PC: variants seen among roughly 807,000 people sequenced by gnomAD.
PC encodes pyruvate carboxylase, mitochondrial.
Under a neutral mutation model 107.8 loss-of-function variants are expected in PC, and 46 were observed. That is an observed-to-expected ratio of 0.43 (90% CI 0.34 to 0.55). The LOEUF (loss-of-function observed/expected upper bound fraction) is 0.55, where lower values mean the gene tolerates loss of function less well. Ranked by LOEUF, PC falls within the 20% of genes least tolerant of loss-of-function variation. PC has a pLI of 0.04. For synonymous variants in PC, 662 were observed against 684.7 expected (o/e 0.97, Z 0.52); for missense variants, 1,241 against 1,643.1 (o/e 0.76, Z 4.23).
intron 12 of PC, chr11:66,856,634 G>C (rs1945852767): frequency 6.6e-6 from 1 of 152,662 alleles, no homozygotes; most frequent in Non-Finnish European, 1.5e-5. Flanking sequence ...GCTCGGCCCT[G>C]CCCGTGGGTG....
At chr11:66,919,754 C>T (rs1948549521) in intron 3 of PC, 1 of 152,142 alleles carries the variant, frequency 6.6e-6, no homozygotes, top group South Asian at 2.1e-4. Context: ...GAACTGAAAC[C>T]TAGGCGTTAG....
chr11:66,935,059 G>C (rs546141348), intron 3 of PC, among the ~76,000 whole-genome samples: 2 of 152,312 alleles, frequency 1.3e-5, no homozygotes, highest in African/African-American at 4.8e-5. Flanking sequence ...AAACAACTCA[G>C]GGCAAGGCCA....
chr11:66,859,712 G>A (rs1015301394), intron 12 of PC: 12 of 1,612,168 alleles, frequency 7.4e-6, no homozygotes, highest in African/African-American at 4.0e-5. Flanking sequence ...TCTGCCTGCT[G>A]GCCTTGTCAC....
chr11:66,920,866 C>T (rs111233976), intron 3 of PC, among the ~76,000 whole-genome samples: 21,068 of 151,864 alleles, frequency 0.14, 1,643 homozygotes, highest in East Asian at 0.23. Flanking sequence ...GGTGAAACCC[C>T]GTCTCTATTA....
intron 3 of PC, among the ~76,000 whole-genome samples, chr11:66,924,193 C>T (rs1948659400): frequency 7.0e-6 from 1 of 142,010 alleles, no homozygotes; most frequent in African/African-American, 2.6e-5. Context: ...CAGAGCAAGA[C>T]TCTATCTCAG....
At chr11:66,867,237 T>C (rs1383737256) in intron 10 of PC, among the ~76,000 whole-genome samples, 3 of 152,030 alleles carry the variant, frequency 2.0e-5, no homozygotes, top group Non-Finnish European at 4.4e-5. Flanking sequence ...AATACAAAAA[T>C]TAGCCAGGCC....
At chr11:66,878,738 C>T (rs1272809279) in intron 3 of PC, among the ~76,000 whole-genome samples, 8 of 152,302 alleles carry the variant, frequency 5.3e-5, no homozygotes, top group South Asian at 2.1e-4. Flanking sequence ...GGACTGTCCC[C>T]GGGGCACGGG....
chr11:66,854,366 G>A (rs1945681963), intron 12 of PC, among the ~76,000 whole-genome samples: 2 of 152,186 alleles, frequency 1.3e-5, no homozygotes, highest in South Asian at 4.1e-4. Flanking sequence ...GCAGTCCCCT[G>A]AGGAACCCGC....
chr11:66,928,422 A>C (rs1361456797), intron 3 of PC, among the ~76,000 whole-genome samples: 2 of 151,334 alleles, frequency 1.3e-5, no homozygotes, highest in African/African-American at 4.9e-5. Flanking sequence ...GGCCAGCCTG[A>C]AATTAGCACC....
chr11:66,849,518 A>G, intron 21 of PC, 93 bp downstream of exon 21: 1 of 1,610,262 alleles, frequency 6.2e-7, no homozygotes. Context: ...TCTGCTCCCA[A>G]AGCTTGCGAG....
intron 3 of PC, among the ~76,000 whole-genome samples, chr11:66,883,528 G>T (rs1752308602): frequency 6.6e-6 from 1 of 152,140 alleles, no homozygotes; most frequent in Admixed American, 6.5e-5. Context: ...CCATCGTCCT[G>T]CTCAGGGGGC....
intron 3 of PC, among the ~76,000 whole-genome samples, chr11:66,923,623 C>T (rs918931514): frequency 6.6e-6 from 1 of 151,836 alleles, no homozygotes; most frequent in Non-Finnish European, 1.5e-5. Context: ...AAGTGATTCT[C>T]CCGCTTCAGT....
chr11:66,850,598 C>A, intron 18 of PC, 76 bp downstream of exon 18: 2 of 1,600,918 alleles, frequency 1.2e-6, no homozygotes, highest in East Asian at 2.2e-5. Context: ...GGATCCTAGG[C>A]AGGTCCAACA....
At position 66,849,696 on chromosome 11, in the gene PC, T is replaced by G. The variant is rs1229618304; in HGVS notation, c.3062A>C (p.Lys1021Thr). The G allele has an allele frequency of 6.2e-7, 1 of 1,614,218 alleles. No individual in the cohort carries two copies. The highest frequency in any genetic ancestry group is 8.5e-7 in the Non-Finnish European group (1 of 1,180,030). ...AMYPDVFAHF[K>T]DFTATFGPLD... ...GGGGCCAAAGGTGGCAGTGAAGTCCTTGAAGTGGGCAAACACATCGGGGTA... is the reference window on the plus strand; with the variant it reads ...GGGGCCAAAGGTGGCAGTGAAGTCCGTGAAGTGGGCAAACACATCGGGGTA... The change falls in exon 21 of 23, where the codon AAG becomes ACG. Residue 1021 changes from lysine to threonine, a missense_variant. Lys to Thr is a moderately conservative substitution (Grantham distance 78). Transcript: ENST00000393960.
At chr11:66,898,177 C>T (rs1451066272) in intron 3 of PC, among the ~76,000 whole-genome samples, 1 of 152,166 alleles carries the variant, frequency 6.6e-6, no homozygotes, top group Non-Finnish European at 1.5e-5. Context: ...GTTCTGAGAT[C>T]CTGAAAAAGC....
In PC at chr11:66,940,761, T is replaced by C. The variant is rs140459980; in HGVS notation, c.-1+11669A>G. ...TGAACAGACATTTCCCCAAAGAAGA[T>C]AGAAGATATACAAATGGCCAATAAG... is the stretch of plus-strand genomic sequence containing the variant. On this transcript the variant is annotated intron_variant, in intron 3 of 22. Transcript: ENST00000393960. 9.4e-4 allele frequency among the ~76,000 whole-genome samples: 143 copies of C among 151,650 alleles called. 2 individuals carry two copies. In the East Asian group the frequency reaches 0.023, roughly 25 times the overall value.
At chr11:66,859,590 G>A in intron 12 of PC, 1 of 1,609,562 alleles carries the variant, frequency 6.2e-7, no homozygotes, top group Non-Finnish European at 8.5e-7. Context: ...GGTGAGGATG[G>A]GGCTAGACCC....
Position 66,870,452 on chromosome 11 carries a change from C to G in PC, c.753G>C (p.Gly251=), listed in dbSNP as rs1351471340. 6.2e-7 allele frequency: 1 copy of G among 1,613,156 alleles called. No homozygotes were observed. The highest frequency in any genetic ancestry group is 1.7e-5 in the Admixed American group (1 of 60,002). ...GGTGCAGGATGTTCCCATACTGGTCCCCTGGGGAGGGAGGTAAACTGGGCT... is the reference window on the plus strand; with the variant it reads ...GGTGCAGGATGTTCCCATACTGGTCGCCTGGGGAGGGAGGTAAACTGGGCT... The part of the protein sequence containing the change: ...KPRHIEVQIL[G]DQYGNILHLY... The change falls in exon 9 of 23, where the codon GGG becomes GGC. Residue 251 remains glycine, a splice_region_variant and synonymous_variant. Transcript: ENST00000393960. This position sits in a 1 kb window ranked among gnomAD's most constrained non-coding sequence, Gnocchi z 6.1.
At chr11:66,939,513 C>T (rs1050741061) in intron 3 of PC, among the ~76,000 whole-genome samples, 1 of 152,128 alleles carries the variant, frequency 6.6e-6, no homozygotes, top group Admixed American at 6.6e-5. Context: ...GTACTTAAAA[C>T]TCCTGCAGAG....
Sources: gnomAD v4.1 joint callset for allele counts (sites outside exome capture counted in the v4.1 genomes callset) on GRCh38, gnomAD v4.1.1 for gene constraint, Gnocchi (gnomAD v3.1) non-coding constraint, MANE v1.5 for transcripts, NCBI Gene and HGNC (gene_info 2026-07-23, HGNC 2026-07-21) for gene names.